The following ATAD2 variants were observed in gnomAD, a reference collection of about 807,000 sequenced individuals.
The protein encoded by ATAD2 is ATPase family AAA domain-containing protein 2.
A neutral mutation model predicts 168.9 loss-of-function variants in ATAD2; 62 were observed. That is an observed-to-expected ratio of 0.37 (90% CI 0.30 to 0.45). The LOEUF (loss-of-function observed/expected upper bound fraction) is 0.45, where lower values mean the gene tolerates loss of function less well. Among genes scored for constraint, ATAD2 ranks in the 20% least tolerant of loss-of-function variants. The probability of loss-of-function intolerance (pLI) is 1.00; values close to 1 mark genes in which losing one functional copy is unlikely to be tolerated. For missense variants in ATAD2, 1,419 were observed against 1,667.8 expected, an observed-to-expected ratio of 0.85 and a Z score of 2.60; for synonymous variants, 613 against 571.6, an observed-to-expected ratio of 1.07 and a Z score of -1.03.
chr8:123,366,376 A>T (rs937081192), intron 8 of ATAD2, among the ~76,000 whole-genome samples: 2 of 152,254 alleles, frequency 1.3e-5, no homozygotes, highest in African/African-American at 4.8e-5. Context: ...AGTTAAAAGT[A>T]GAACTACCAT....
chr8:123,363,815 A>C (rs1828888647), intron 8 of ATAD2, among the ~76,000 whole-genome samples: 1 of 152,180 alleles, frequency 6.6e-6, no homozygotes, highest in Non-Finnish European at 1.5e-5. Flanking sequence ...AAAGTGGATT[A>C]TTAGTAGGCT....
At position 123,396,262 on chromosome 8, in the gene ATAD2, C is replaced by A; in HGVS notation, c.96G>T (p.Glu32Asp). ...AGCGGAGCCGCCTCCGGCCGATGTG[C>A]TCCAGACTGAGGAAGTCACTGGACA... ...LDLSSDFLSL[E>D]HIGRRRLRSA... Residue 32 changes from glutamate (E) to aspartate (D), a missense_variant, in exon 1 of 28, where the codon GAG (glutamate) becomes GAT (aspartate). This residue lies in a region of ATAD2 where 419 missense variants were observed against 423.5 expected (regional missense o/e 0.99). Transcript: ENST00000287394. 1 of 1,610,790 alleles carries A rather than the reference C, an allele frequency of 6.2e-7. No homozygotes were observed.
intron 3 of ATAD2, among the ~76,000 whole-genome samples, chr8:123,372,065 A>C (rs1829165644): frequency 6.6e-6 from 1 of 152,208 alleles, no homozygotes; most frequent in African/African-American, 2.4e-5. Flanking sequence ...TGTAATACAA[A>C]GACTTGTACA....
At chr8:123,376,384 C>T (rs764061909) in intron 2 of ATAD2, among the ~76,000 whole-genome samples, 5 of 150,674 alleles carry the variant, frequency 3.3e-5, no homozygotes, top group South Asian at 2.1e-4. Flanking sequence ...CCAGCCTGGG[C>T]GACAAGAGCA....
rs533610101 is a variant in ATAD2 at position 123,410,954 on chromosome 8, T to C, written c.-2282+5294A>G. Among the ~76,000 whole-genome samples, 3 of 152,344 alleles carry C rather than the reference T, an allele frequency of 2.0e-5. No homozygotes were observed. In the East Asian group the frequency reaches 5.8e-4, roughly 29 times the overall value. On this transcript the variant is annotated intron_variant, in intron 1 of 28. Transcript: ENST00000521903. ...CCTAATCGAGCTGAACACTAGTCAC[T>C]GGGTTCCACGGTTCTCTTCCGTGAC...
chr8:123,396,442 A>C lies in ATAD2; in HGVS notation c.-85T>G. The C allele has an allele frequency of 7.3e-7, 1 of 1,363,182 alleles. No homozygotes were observed. The highest frequency in any genetic ancestry group is 9.6e-7 in the Non-Finnish European group (1 of 1,042,310). The allele number at this position is 1,363,182 out of a possible 1,614,324, so 84.4% of individuals were successfully genotyped here. A position where few individuals can be genotyped will look rare whatever the true frequency, so the allele number is the denominator to read the frequency against. On this transcript the variant is annotated 5_prime_UTR_variant, in exon 1 of 28. In the 5' UTR this introduces an upstream ATG that the reference lacks. Coordinates refer to ENST00000287394, the MANE Select transcript of ATAD2 (RefSeq NM_014109.4). ...GCAGCTCTGGCTCTTCCGCGCTCCG[A>C]ATTCTGGCGCCACAAGCTCCGCGCC...
At chr8:123,326,609 C>A (rs1392328877) in intron 25 of ATAD2, among the ~76,000 whole-genome samples, 1 of 152,016 alleles carries the variant, frequency 6.6e-6, no homozygotes, top group Non-Finnish European at 1.5e-5. Context: ...GCCGAGGAGG[C>A]AGAAGTTGCA....
At chr8:123,410,823 C>T (rs559263296) in intron 1 of ATAD2, among the ~76,000 whole-genome samples, 6 of 152,326 alleles carry the variant, frequency 3.9e-5, no homozygotes, top group East Asian at 1.9e-4. Context: ...CCTCCAGATC[C>T]GGCAGGGTGT....
chr8:123,339,310 CCTG>C lies in ATAD2; in HGVS notation c.2852_2854del (p.Ala951del), dbSNP rs1172338877. The stretch of plus-strand genomic sequence containing the variant: ...ATATTAACTTTGATATAGAAACTAA[CCTG>C]CTTTCTTTTTTGATATAGGAGGCTT... On this transcript the variant is annotated inframe_deletion and splice_region_variant, in exon 20 of 28. Transcript: ENST00000287394. 6.5e-7 allele frequency: 1 copy of C among 1,546,428 alleles called. No individual in the cohort carries two copies. Among genetic ancestry groups the C allele is most frequent in the African/African-American group, 1.4e-5 (1 of 71,934 alleles).
At chr8:123,357,780 C>A (rs757932473) in intron 11 of ATAD2, 44 bp from the exon 12 acceptor site, 1 of 1,511,064 alleles carries the variant, frequency 6.6e-7, no homozygotes, top group South Asian at 1.3e-5. Flanking sequence ...ATTTAAAAAG[C>A]AGACTTTTAA....
Position 123,406,816 on chromosome 8 carries a change from C to CA in ATAD2, c.-2281-5642dup, listed in dbSNP as rs61473512. Among the ~76,000 whole-genome samples, 543 of 134,670 alleles carry CA rather than the reference C, an allele frequency of 4.0e-3. 6 individuals are homozygous for CA. The highest frequency in any genetic ancestry group is 0.013 in the African/African-American group (479 of 35,716). The allele number at this position is 134,670 out of a possible 152,430, so 88.3% of individuals were successfully genotyped here. A position where few individuals can be genotyped will look rare whatever the true frequency, so the allele number is the denominator to read the frequency against. ...TGGGTGATAGAGTGAGACCCTGTCT[C>CA]AAAAAAAAAAAAAAAAAAAATTACC... is the stretch of plus-strand genomic sequence containing the variant. On this transcript the variant is annotated intron_variant, in intron 1 of 28. Transcript: ENST00000521903.
chr8:123,376,133 C>A (rs1013335122), intron 2 of ATAD2, among the ~76,000 whole-genome samples: 6 of 150,694 alleles, frequency 4.0e-5, no homozygotes, highest in Non-Finnish European at 7.4e-5. Context: ...AGGCTGGGTG[C>A]AGTAGCTCAT....
chr8:123,414,267 G>A (rs1813207401), intron 1 of ATAD2, among the ~76,000 whole-genome samples: 1 of 151,984 alleles, frequency 6.6e-6, no homozygotes, highest in African/African-American at 2.4e-5. Context: ...TGAGGTAGTA[G>A]CATTATCTTT....
chr8:123,390,998 C>T (rs967112245), intron 1 of ATAD2, among the ~76,000 whole-genome samples: 11 of 151,096 alleles, frequency 7.3e-5, no homozygotes, highest in African/African-American at 2.4e-4. Flanking sequence ...CTAGCCTGGG[C>T]GACAAAAGCA....
intron 1 of ATAD2, among the ~76,000 whole-genome samples, chr8:123,386,663 T>C (rs1361091912): frequency 2.0e-5 from 3 of 152,190 alleles, no homozygotes; most frequent in Non-Finnish European, 2.9e-5. Context: ...GTCAATTTTA[T>C]GTTATGTATA....
intron 19 of ATAD2, among the ~76,000 whole-genome samples, chr8:123,342,008 C>A (rs1003208762): frequency 5.3e-5 from 8 of 152,118 alleles, no homozygotes; most frequent in African/African-American, 1.9e-4. Flanking sequence ...ATTGCTTAAA[C>A]CCAGGAGGCT....
intron 20 of ATAD2, among the ~76,000 whole-genome samples, chr8:123,338,511 T>G (rs535725494): frequency 2.6e-5 from 4 of 152,190 alleles, no homozygotes; most frequent in Non-Finnish European, 5.9e-5. Flanking sequence ...CAGGTTATTT[T>G]GTTTAAATAG....
chr8:123,379,665 T>G (rs1318721822), intron 2 of ATAD2, among the ~76,000 whole-genome samples: 1 of 151,278 alleles, frequency 6.6e-6, no homozygotes, highest in African/African-American at 2.4e-5. Context: ...CAGGTTCAAG[T>G]GATTCTTCTG....
chr8:123,411,757 G>A (rs1484696824), intron 1 of ATAD2, among the ~76,000 whole-genome samples: 2 of 151,558 alleles, frequency 1.3e-5, no homozygotes, highest in Non-Finnish European at 2.9e-5. Context: ...ATTAAATCTT[G>A]CAACTGCAAA....
Sources: gnomAD v4.1 joint callset for allele counts (sites outside exome capture counted in the v4.1 genomes callset) on GRCh38, gnomAD v4.1.1 for gene constraint, gnomAD v4.1.1 regional missense constraint, MANE v1.5 for transcripts, NCBI Gene and HGNC (gene_info 2026-07-23, HGNC 2026-07-21) for gene names.